The following AKAP8 variants were observed in gnomAD, a reference collection of about 807,000 sequenced individuals.
AKAP8 encodes A-kinase anchoring protein 8.
In AKAP8, 24 loss-of-function variants were observed where a neutral mutation model predicts 67.5. The observed-to-expected ratio is 0.36, with a 90% CI of 0.26 to 0.50. AKAP8 has a LOEUF of 0.50. AKAP8 is among the 20% of genes least tolerant of loss of function. AKAP8 has a pLI of 0.97. For synonymous variants in AKAP8, 400 were observed against 371.1 expected (o/e 1.08, Z -0.90); for missense variants, 971 against 955.9 (o/e 1.02, Z -0.21).
rs752748972 is a variant in AKAP8, at chr19:15,370,140, G to A, written c.1072+6C>T. On this transcript the variant is annotated splice_donor_region_variant and intron_variant, in intron 8 of 13. Coordinates refer to ENST00000269701, the MANE Select transcript of AKAP8 (RefSeq NM_005858.4). ...GGAAAGCTGCAAGGGACACGGTGAT[G>A]CCTACCTCTTTGCCTCCCAGAGTCG... The A allele has an allele frequency of 6.2e-7, 1 of 1,614,138 alleles. No individual in the cohort carries two copies. The highest frequency in any genetic ancestry group is 1.1e-5 in the South Asian group (1 of 91,082).
intron 8 of AKAP8, chr19:15,368,968 G>A: frequency 2.0e-6 from 2 of 986,204 alleles, no homozygotes. Flanking sequence ...GGGGCCAGCA[G>A]AGGAGCTCCT....
chr19:15,362,877 G>A (rs1220276780), intron 9 of AKAP8, among the ~76,000 whole-genome samples: 35 of 147,866 alleles, frequency 2.4e-4, no homozygotes, highest in African/African-American at 8.0e-4. Context: ...AGTGAGGAGC[G>A]TCTCTGCCCG....
intron 1 of AKAP8, among the ~76,000 whole-genome samples, chr19:15,377,278 G>A (rs1401506532): frequency 1.3e-5 from 2 of 152,140 alleles, no homozygotes; most frequent in Admixed American, 1.3e-4. Flanking sequence ...CTTGGCCAAG[G>A]ACCTCACCTC....
At position 15,376,960 on chromosome 19, in the gene AKAP8, A is replaced by C. The variant is rs762420957; in HGVS notation, c.58+16T>G. Reference sequence around the variant, plus strand: ...GGGGAAGCCCACGCCTCACCCGCAAAGCAGAGCCCACTTACCCTGGGTGTT... The same window carrying C: ...GGGGAAGCCCACGCCTCACCCGCAACGCAGAGCCCACTTACCCTGGGTGTT... On this transcript the variant is annotated intron_variant, in intron 2 of 13. Coordinates refer to ENST00000269701, the MANE Select transcript of AKAP8 (RefSeq NM_005858.4). The C allele has an allele frequency of 5.6e-6, 9 of 1,611,140 alleles. No homozygotes were observed. Among genetic ancestry groups the C allele is most frequent in the Non-Finnish European group, 5.9e-6 (7 of 1,178,822 alleles).
In AKAP8 at chr19:15,373,072, C is replaced by A; in HGVS notation, c.640G>T (p.Ala214Ser). Residue 214 changes from alanine to serine, a missense_variant, in exon 5 of 14, where the codon GCT becomes TCT. By Grantham distance (99) the Ala-to-Ser change is moderately conservative. Coordinates refer to ENST00000269701, the MANE Select transcript of AKAP8 (RefSeq NM_005858.4). ...FMRSDPFVPP[A>S]ASSEPLSTPW... ...GTGGACAGGGGCTCAGAGGACGCAG[C>A]GGGGGGCACGAAGGGGTCGCTGCGC... The A allele has an allele frequency of 6.2e-7, 1 of 1,609,434 alleles. No homozygotes were observed. The highest frequency in any genetic ancestry group is 1.7e-5 in the Admixed American group (1 of 59,660).
rs146400287 is a variant in AKAP8, at chr19:15,372,315, T to C, written c.894A>G (p.Pro298=). The part of the protein sequence containing the change: ...PKRRGFDRFG[P]DGTGRKRKQF... ...GCTTCCGTTTCCTGCCCGTGCCATC[T>C]GGTCCGAAGCGGTCAAACCCTCTCC... The change falls in exon 6 of 14, where the codon CCA becomes CCG. Residue 298 remains proline, a synonymous_variant. Transcript: ENST00000269701. The C allele has an allele frequency of 3.2e-3, 5,175 of 1,614,234 alleles. 10 individuals are homozygous for C. The highest frequency in any genetic ancestry group is 3.8e-3 in the Non-Finnish European group (4,508 of 1,180,042).
In AKAP8 at chr19:15,355,276, A is replaced by G. The variant is rs1297892805; in HGVS notation, c.1718T>C (p.Val573Ala). ...CACCTCTGCTAAGACGTCCGCGGCCACCTCCTCAGGTGTCTCTTTCTTATC... is the reference window on the plus strand; with the variant it reads ...CACCTCTGCTAAGACGTCCGCGGCCGCCTCCTCAGGTGTCTCTTTCTTATC... The part of the protein sequence containing the change: ...GEDKKETPEE[V>A]AADVLAEVIT... Residue 573 changes from valine to alanine, a missense_variant, in exon 14 of 14, where the codon GTG (valine) becomes GCG (alanine). By Grantham distance (64) the Val-to-Ala change is moderately conservative. Coordinates refer to ENST00000269701, the MANE Select transcript of AKAP8 (RefSeq NM_005858.4). 5 of 1,613,060 alleles carry G rather than the reference A, an allele frequency of 3.1e-6. No individual in the cohort carries two copies. Among genetic ancestry groups the G allele is most frequent in the Non-Finnish European group, 4.2e-6 (5 of 1,179,984 alleles).
At chr19:15,363,533 G>T (rs1277121362) in intron 9 of AKAP8, among the ~76,000 whole-genome samples, 2 of 146,064 alleles carry the variant, frequency 1.4e-5, no homozygotes, top group African/African-American at 2.6e-5. Flanking sequence ...GGAGGGAGGT[G>T]GGGGGGTCAG....
At chr19:15,372,762 A>C in intron 5 of AKAP8, 89 bp downstream of exon 5, 2 of 1,425,548 alleles carry the variant, frequency 1.4e-6, no homozygotes, top group South Asian at 1.7e-5. Context: ...AAAACATTTA[A>C]GTGAATGTTG....
rs1170309814 is a variant in AKAP8 at position 15,379,432 on chromosome 19, C to G, written c.19+281G>C. The G allele has an allele frequency of 5.6e-5, 23 of 411,734 alleles. 1 individual carries two copies. The highest frequency in any genetic ancestry group is 3.2e-4 in the Admixed American group (7 of 21,890). 25.5% of individuals were successfully genotyped at this position (411,734 alleles called of 1,614,324 possible). On this transcript the variant is annotated intron_variant, in intron 1 of 13. Transcript: ENST00000269701. ...AGGTGAGGGGCAAAAACGGCCCACA[C>G]TGTCTAAGACGCCCCCACGAAGCCC...
chr19:15,372,771 T>G, intron 5 of AKAP8, 80 bp downstream of exon 5: 1 of 1,440,120 alleles, frequency 6.9e-7, no homozygotes, highest in African/African-American at 1.4e-5. Flanking sequence ...AAGTGAATGT[T>G]GAGATGGGGA....
At chr19:15,378,642 T>A (rs552479394) in intron 1 of AKAP8, among the ~76,000 whole-genome samples, 1 of 152,280 alleles carries the variant, frequency 6.6e-6, no homozygotes, top group South Asian at 2.1e-4. Context: ...AACCTCTCTC[T>A]GCAATTTCTG....
At chr19:15,366,179 T>TA (rs34625168) in intron 9 of AKAP8, among the ~76,000 whole-genome samples, 98,210 of 126,510 alleles carry the variant, frequency 0.78, 37,847 homozygotes, top group East Asian at 0.97. Flanking sequence ...CAAAAAGTAG[T>TA]AAAAAAAAAA....
At chr19:15,364,098 T>A (rs1227724853) in intron 9 of AKAP8, among the ~76,000 whole-genome samples, 44 of 21,512 alleles carry the variant, frequency 2.0e-3, no homozygotes, top group Non-Finnish European at 5.9e-4. Context: ...ATAAATAAAT[T>A]GGCAGTGGGC....
intron 12 of AKAP8, among the ~76,000 whole-genome samples, chr19:15,360,012 G>A (rs1472106697): frequency 6.6e-6 from 1 of 152,004 alleles, no homozygotes; most frequent in Non-Finnish European, 1.5e-5. Context: ...GTGGGCGCCT[G>A]TAATCCCAGC....
In AKAP8 at chr19:15,354,500, A is replaced by C. The variant is rs2048264062; in HGVS notation, c.*415T>G. Reference sequence around the variant, plus strand: ...TGAAGCTTGAAACATACAAAAAAAAATCCTCTATAGAGCAAGATATATTCC... The same window carrying C: ...TGAAGCTTGAAACATACAAAAAAAACTCCTCTATAGAGCAAGATATATTCC... On this transcript the variant is annotated 3_prime_UTR_variant, in exon 14 of 14. Transcript: ENST00000269701. 5.5e-6 allele frequency: 1 copy of C among 183,034 alleles called. No homozygotes were observed. The highest frequency in any genetic ancestry group is 1.2e-4 in the South Asian group (1 of 8,686). The allele number at this position is 183,034 out of a possible 1,614,324, so 11.3% of individuals were successfully genotyped here.
At chr19:15,373,750 G>T (rs749671935) in intron 4 of AKAP8, 36 bp downstream of exon 4, 1 of 1,578,268 alleles carries the variant, frequency 6.3e-7, no homozygotes, top group South Asian at 1.1e-5. Flanking sequence ...GTGGGGATGT[G>T]TGGGGTCCCG....
At chr19:15,358,879 T>A in intron 13 of AKAP8, 88 bp downstream of exon 13, 7 of 1,202,930 alleles carry the variant, frequency 5.8e-6, no homozygotes, top group Non-Finnish European at 8.6e-6. Context: ...AAATGCTAAA[T>A]GCTGCACTCT....
chr19:15,363,410 C>T (rs1967011322), intron 9 of AKAP8, among the ~76,000 whole-genome samples: 1 of 148,544 alleles, frequency 6.7e-6, no homozygotes, highest in African/African-American at 2.5e-5. Flanking sequence ...TGAGGGGCGC[C>T]TCTGCCCGGC....
Sources: allele counts gnomAD v4.1 joint callset (sites outside exome capture counted in the v4.1 genomes callset), GRCh38; gene constraint gnomAD v4.1.1; transcripts MANE v1.5; gene names NCBI Gene and HGNC (gene_info 2026-07-23, HGNC 2026-07-21).